ST3GAL1: variants seen among roughly 807,000 people sequenced by gnomAD.
ST3GAL1 encodes the protein ST3 beta-galactoside alpha-2,3-sialyltransferase 1, also known as CMP-N-acetylneuraminate-beta-galactosamide-alpha-2,3-sialyltransferase 1.
Under a neutral mutation model 34.1 loss-of-function variants are expected in ST3GAL1, and 16 were observed. The ratio of observed to expected loss-of-function variants is 0.47; its 90% CI spans 0.32 to 0.71. The LOEUF (loss-of-function observed/expected upper bound fraction) is 0.71, where lower values mean the gene tolerates loss of function less well. Ranked by LOEUF, ST3GAL1 falls within the 30% of genes least tolerant of loss-of-function variation. The pLI, the probability that ST3GAL1 is intolerant of heterozygous loss-of-function variation, is 0.04. For synonymous variants in ST3GAL1, 191 were observed against 184.7 expected, an observed-to-expected ratio of 1.03 and a Z score of -0.28; for missense variants, 353 against 447.4, an observed-to-expected ratio of 0.79 and a Z score of 1.90.
chr8:133,483,588 A>G (rs988688679), intron 3 of ST3GAL1, among the ~76,000 whole-genome samples: 2 of 152,230 alleles, frequency 1.3e-5, no homozygotes, highest in South Asian at 2.1e-4. Context: ...AATCATGCAA[A>G]CCAGTGGTAT....
chr8:133,551,602 GAAAGAAAGAAA>G (rs1818862423), intron 1 of ST3GAL1, among the ~76,000 whole-genome samples: 1 of 150,422 alleles, frequency 6.6e-6, no homozygotes, highest in African/African-American at 2.5e-5. Context: ...AAGAAAGAAA[GAAAGAAAGAAA>G]GAAAGAGCGA....
At chr8:133,472,591 C>T (rs1204268078) in intron 5 of ST3GAL1, among the ~76,000 whole-genome samples, 1 of 152,204 alleles carries the variant, frequency 6.6e-6, no homozygotes, top group East Asian at 1.9e-4. Context: ...TCAGATATTC[C>T]ATGCCTGTAT....
At chr8:133,473,305 T>C (rs907682470) in intron 5 of ST3GAL1, among the ~76,000 whole-genome samples, 2 of 152,230 alleles carry the variant, frequency 1.3e-5, no homozygotes. Flanking sequence ...TTGGATTTGA[T>C]GTTCTCTTTT....
chr8:133,483,105 G>C (rs1298235078), intron 3 of ST3GAL1, among the ~76,000 whole-genome samples: 1 of 152,214 alleles, frequency 6.6e-6, no homozygotes, highest in Non-Finnish European at 1.5e-5. Context: ...ACTTTGGGAG[G>C]CTGGGGTGGG....
At chr8:133,542,940 G>A (rs1231366313) in intron 2 of ST3GAL1, among the ~76,000 whole-genome samples, 1 of 152,136 alleles carries the variant, frequency 6.6e-6, no homozygotes, top group Non-Finnish European at 1.5e-5. Flanking sequence ...ATCAAAAGAT[G>A]CTAAAACTAA....
intron 3 of ST3GAL1, among the ~76,000 whole-genome samples, chr8:133,482,400 G>A (rs1455956880): frequency 2.0e-5 from 3 of 152,172 alleles, no homozygotes; most frequent in Non-Finnish European, 2.9e-5. Context: ...AGAAGAGGAT[G>A]GGGCCCAGAG....
rs145953439 is a variant in ST3GAL1 at position 133,521,950 on chromosome 8, T to C, written c.-428-22761A>G. 1.8e-4 allele frequency among the ~76,000 whole-genome samples: 28 copies of C among 152,308 alleles called. 1 individual carries two copies. The East Asian group carries it at 5.4e-3, about 29-fold the overall frequency. On this transcript the variant is annotated intron_variant, in intron 2 of 9. Transcript: ENST00000522652. ...GTTTCTGTTTTGAGCTTTTATACTTTTCTCTGTTTTCAGGATTTGTTTCAG... is the reference window on the plus strand; with the variant it reads ...GTTTCTGTTTTGAGCTTTTATACTTCTCTCTGTTTTCAGGATTTGTTTCAG...
chr8:133,497,414 T>C (rs976063947), intron 3 of ST3GAL1, among the ~76,000 whole-genome samples: 1 of 151,170 alleles, frequency 6.6e-6, no homozygotes, highest in African/African-American at 2.4e-5. Context: ...TAGTTTCCTA[T>C]TAGAGATACA....
At chr8:133,492,170 G>T (rs1277533755) in intron 3 of ST3GAL1, among the ~76,000 whole-genome samples, 1 of 152,142 alleles carries the variant, frequency 6.6e-6, no homozygotes, top group Non-Finnish European at 1.5e-5. Flanking sequence ...ACAGAGGCCA[G>T]TTCTGACCAG....
chr8:133,556,949 GTGCA>G lies in ST3GAL1; in HGVS notation c.-581-11027_-581-11024del, dbSNP rs1819050916. Among the ~76,000 whole-genome samples, 1 of 152,158 alleles carries G rather than the reference GTGCA, an allele frequency of 6.6e-6. No homozygotes were observed. Among genetic ancestry groups the G allele is most frequent in the Non-Finnish European group, 1.5e-5 (1 of 68,032 alleles). On this transcript the variant is annotated intron_variant, in intron 1 of 9. Coordinates refer to ENST00000522652, the MANE Select transcript of ST3GAL1 (RefSeq NM_173344.3). This position sits in a 1 kb window ranked among gnomAD's most constrained non-coding sequence, Gnocchi z 8.9. ...TACTGGGTCTCGAGCCTTTTATGAT[GTGCA>G]TGCATGTGTTAGAAGGAAACATTGT...
In ST3GAL1 at chr8:133,459,683, G is replaced by T; in HGVS notation, c.*81C>A. The stretch of plus-strand genomic sequence containing the variant: ...ACCTGAGGCTGCCCCTCCAAGCTCC[G>T]GGATGGAACGGCTCCAGCAAGATGC... On this transcript the variant is annotated 3_prime_UTR_variant, in exon 10 of 10. Coordinates refer to ENST00000522652, the MANE Select transcript of ST3GAL1 (RefSeq NM_173344.3). This position sits in a 1 kb window ranked among gnomAD's most constrained non-coding sequence, Gnocchi z 4.7. The T allele has an allele frequency of 6.6e-7, 1 of 1,508,734 alleles. No individual in the cohort carries two copies. 93.5% of individuals were successfully genotyped at this position (1,508,734 alleles called of 1,614,324 possible).
At chr8:133,549,895 G>A (rs1018160412) in intron 1 of ST3GAL1, among the ~76,000 whole-genome samples, 6 of 152,212 alleles carry the variant, frequency 3.9e-5, no homozygotes, top group Non-Finnish European at 8.8e-5. Flanking sequence ...CTGGGAGGCA[G>A]AGGTTGTGGT....
intron 2 of ST3GAL1, among the ~76,000 whole-genome samples, chr8:133,529,515 C>A (rs971320444): frequency 1.3e-5 from 2 of 152,234 alleles, no homozygotes; most frequent in Non-Finnish European, 2.9e-5. Context: ...GGACGCCAGG[C>A]GAGAGCTAAC....
rs1815876986 is a variant in ST3GAL1, at chr8:133,469,700, G to GGT, written c.307-3611_307-3610insAC. ...CAAACTCTCCTCTCCCTTAGAACAA[G>GGT]GCTGACAAGCGCTGACAAGGTGCAA... On this transcript the variant is annotated intron_variant, in intron 5 of 9. Coordinates refer to ENST00000522652, the MANE Select transcript of ST3GAL1 (RefSeq NM_173344.3). The surrounding 1 kb of genome is among the most constrained non-coding windows in gnomAD (Gnocchi z 4.3). Among the ~76,000 whole-genome samples, 1 of 152,214 alleles carries GGT rather than the reference G, an allele frequency of 6.6e-6. No homozygotes were observed. The highest frequency in any genetic ancestry group is 2.4e-5 in the African/African-American group (1 of 41,444).
At chr8:133,561,647 G>GT (rs375842540) in intron 1 of ST3GAL1, among the ~76,000 whole-genome samples, 270 of 151,998 alleles carry the variant, frequency 1.8e-3, no homozygotes, top group African/African-American at 5.8e-3. Context: ...GATTTATGTT[G>GT]TTTTTTTTGC....
At chr8:133,550,004 C>T (rs1311238178) in intron 1 of ST3GAL1, among the ~76,000 whole-genome samples, 2 of 152,174 alleles carry the variant, frequency 1.3e-5, no homozygotes, top group African/African-American at 2.4e-5. Context: ...ACTAGAACTG[C>T]ACCCCATGTG....
At chr8:133,560,116 G>A (rs115348228) in intron 1 of ST3GAL1, among the ~76,000 whole-genome samples, 3,937 of 152,256 alleles carry the variant, frequency 0.026, 151 homozygotes, top group African/African-American at 0.086. Context: ...CTAGAAGAGA[G>A]GATTTTGAAT....
intron 2 of ST3GAL1, among the ~76,000 whole-genome samples, chr8:133,519,278 C>A (rs1817731603): frequency 6.6e-6 from 1 of 152,190 alleles, no homozygotes; most frequent in South Asian, 2.1e-4. Flanking sequence ...TGTGCAGACA[C>A]TCATGCCTCA....
Position 133,508,525 on chromosome 8 carries a change from C to T in ST3GAL1, c.-428-9336G>A, listed in dbSNP as rs909585761. 3.3e-5 allele frequency among the ~76,000 whole-genome samples: 5 copies of T among 152,166 alleles called. No homozygotes were observed. Among genetic ancestry groups the T allele is most frequent in the African/African-American group, 1.2e-4 (5 of 41,430 alleles). On this transcript the variant is annotated intron_variant, in intron 2 of 9. Transcript: ENST00000522652. This position sits in a 1 kb window ranked among gnomAD's most constrained non-coding sequence, Gnocchi z 4.1. ...GTGCACGGAGTCCCAGACTCAGGTT[C>T]TACAGGGAGGAAACTGAGATCCCTG...
Sources: gnomAD v4.1 joint callset for allele counts (sites outside exome capture counted in the v4.1 genomes callset) on GRCh38, gnomAD v4.1.1 for gene constraint, Gnocchi (gnomAD v3.1) non-coding constraint, MANE v1.5 for transcripts, NCBI Gene and HGNC (gene_info 2026-07-23, HGNC 2026-07-21) for gene names.